Variants in LTBP1 observed in about 807,000 individuals in gnomAD.
LTBP1 encodes the protein latent transforming growth factor beta binding protein 1.
Under a neutral mutation model 207.6 loss-of-function variants are expected in LTBP1, and 129 were observed. That is an observed-to-expected ratio of 0.62 (90% confidence interval 0.54 to 0.72). LTBP1 has a LOEUF of 0.72. Ranked by LOEUF, LTBP1 falls within the 30% of genes least tolerant of loss-of-function variation. The probability of loss-of-function intolerance (pLI) is 0.00; values close to 1 mark genes in which losing one functional copy is unlikely to be tolerated. For missense variants in LTBP1, 2,281 were observed against 2,217.2 expected (o/e 1.03, Z -0.58); for synonymous variants, 963 against 833.7 (o/e 1.16, Z -2.67).
At chr2:33,254,855 T>G (rs1358188344) in intron 11 of LTBP1, among the ~76,000 whole-genome samples, 7 of 92,312 alleles carry the variant, frequency 7.6e-5, no homozygotes, top group African/African-American at 2.2e-4. Context: ...GTGTTTGGTT[T>G]TTTTTTTTTT....
chr2:33,135,807 T>TA (rs568172673), intron 5 of LTBP1, among the ~76,000 whole-genome samples: 45 of 152,374 alleles, frequency 3.0e-4, no homozygotes, highest in African/African-American at 9.4e-4. Context: ...TATTATTTTT[T>TA]GACCAATTAT....
chr2:32,959,499 A>T (rs150024358), intron 2 of LTBP1, among the ~76,000 whole-genome samples: 1 of 149,384 alleles, frequency 6.7e-6, no homozygotes, highest in Non-Finnish European at 1.5e-5. Flanking sequence ...GACAATTCCA[A>T]TGTGGCTTTT....
In LTBP1 at chr2:33,213,005, C is replaced by T. The variant is rs139555198; in HGVS notation, c.1702-4547C>T. Among the ~76,000 whole-genome samples, 1,320 of 152,286 alleles carry T rather than the reference C, an allele frequency of 8.7e-3. 19 individuals carry two copies. Among genetic ancestry groups the T allele is most frequent in the Middle Eastern group, 0.037 (11 of 294 alleles). On this transcript the variant is annotated intron_variant, in intron 7 of 33. Transcript: ENST00000404816. ...CTTGCTCAGGGTATCTGAACACTGC[C>T]ATCATGTCTGCACGTAGTCTCACCG...
chr2:33,215,617 G>C (rs962033451), intron 7 of LTBP1, among the ~76,000 whole-genome samples: 8 of 151,964 alleles, frequency 5.3e-5, no homozygotes, highest in Non-Finnish European at 1.0e-4. Context: ...TCTACTACTT[G>C]CTGTCCTTCT....
intron 15 of LTBP1, among the ~76,000 whole-genome samples, chr2:33,271,651 C>CA (rs768182010): frequency 1.8e-4 from 27 of 151,634 alleles, no homozygotes; most frequent in Non-Finnish European, 2.7e-4. Context: ...TAAAAAGTAC[C>CA]AAAAAAAATG....
intron 3 of LTBP1, among the ~76,000 whole-genome samples, chr2:33,074,981 G>A (rs1326199002): frequency 1.3e-5 from 2 of 152,138 alleles, no homozygotes; most frequent in African/African-American, 2.4e-5. Flanking sequence ...AATCTGGGAG[G>A]CGGAGGTTGC....
rs551628511 is a variant in LTBP1 at position 33,215,987 on chromosome 2, A to G, written c.1702-1565A>G. Among the ~76,000 whole-genome samples, 4 of 152,260 alleles carry G rather than the reference A, an allele frequency of 2.6e-5. No individual in the cohort carries two copies. In the South Asian group the frequency reaches 8.3e-4, roughly 32 times the overall value. The stretch of plus-strand genomic sequence containing the variant: ...CTCGGCCTCCCAAAGTGCTGGGATT[A>G]CAGGTGTGAGCCACCATGCCTGGCC... On this transcript the variant is annotated intron_variant, in intron 7 of 33. Coordinates refer to ENST00000404816, the MANE Select transcript of LTBP1 (RefSeq NM_206943.4).
intron 5 of LTBP1, among the ~76,000 whole-genome samples, chr2:33,177,008 A>C (rs2086130888): frequency 6.6e-6 from 1 of 152,188 alleles, no homozygotes; most frequent in East Asian, 1.9e-4. Context: ...AGCTGGATAC[A>C]ATTATTTTTC....
At chr2:33,384,491 C>A (rs903136125) in intron 31 of LTBP1, among the ~76,000 whole-genome samples, 1 of 152,122 alleles carries the variant, frequency 6.6e-6, no homozygotes, top group African/African-American at 2.4e-5. Flanking sequence ...TGTATGGGGT[C>A]TCAAATGGGA....
chr2:33,241,991 G>GT (rs1249426842), intron 9 of LTBP1, among the ~76,000 whole-genome samples: 49 of 152,322 alleles, frequency 3.2e-4, no homozygotes, highest in African/African-American at 1.2e-3. Context: ...AGCTGTAGCA[G>GT]TTTCCAGCTA....
chr2:33,296,248 G>A (rs1396589463), intron 20 of LTBP1, among the ~76,000 whole-genome samples: 1 of 151,818 alleles, frequency 6.6e-6, no homozygotes, highest in Non-Finnish European at 1.5e-5. Flanking sequence ...TCATCTGCTT[G>A]TTGATAAAAA....
chr2:33,099,355 T>C lies in LTBP1; in HGVS notation c.864-11227T>C, dbSNP rs1305568164. The stretch of plus-strand genomic sequence containing the variant: ...AAGAATTTTCCCTTTTTATTTAGTT[T>C]ATTTTATTTAGCTTGAATGTGGGAA... On this transcript the variant is annotated intron_variant, in intron 3 of 33. Coordinates refer to ENST00000404816, the MANE Select transcript of LTBP1 (RefSeq NM_206943.4). 5.3e-5 allele frequency among the ~76,000 whole-genome samples: 8 copies of C among 152,240 alleles called. No homozygotes were observed. In the East Asian group the frequency reaches 1.2e-3, roughly 22 times the overall value.
chr2:33,330,681 T>C (rs1464504126), intron 24 of LTBP1, among the ~76,000 whole-genome samples: 2 of 151,850 alleles, frequency 1.3e-5, no homozygotes, highest in African/African-American at 2.4e-5. Context: ...AAGATAAAAA[T>C]TTGTTTTCCT....
chr2:33,395,071 T>G (rs1180671548), intron 32 of LTBP1, among the ~76,000 whole-genome samples: 1 of 152,156 alleles, frequency 6.6e-6, no homozygotes. Context: ...TCCCCCAAAC[T>G]TATGCCAAAT....
intron 24 of LTBP1, among the ~76,000 whole-genome samples, chr2:33,320,022 A>G (rs907096603): frequency 3.3e-5 from 5 of 152,150 alleles, no homozygotes; most frequent in Non-Finnish European, 7.3e-5. Flanking sequence ...AGAACAGCAA[A>G]AGATCCCCAC....
intron 32 of LTBP1, among the ~76,000 whole-genome samples, chr2:33,391,660 C>T (rs2095315525): frequency 6.6e-6 from 1 of 152,152 alleles, no homozygotes; most frequent in South Asian, 2.1e-4. Flanking sequence ...AAATGGAGAA[C>T]CAAAATCCCA....
chr2:33,020,979 G>A lies in LTBP1; in HGVS notation c.636G>A (p.Gly212=). 6.2e-7 allele frequency: 1 copy of A among 1,612,724 alleles called. No homozygotes were observed. Among genetic ancestry groups the A allele is most frequent in the Non-Finnish European group, 8.5e-7 (1 of 1,179,014 alleles). ...CACAACTCTGTGTGTGTAAACCAGG[G>A]ACCAAGGGCAAAGCCTGTGAAACAA... is the stretch of plus-strand genomic sequence containing the variant. ...LRPQLCVCKP[G]TKGKACETIA... is the part of the protein sequence containing the mutation. Residue 212 remains glycine, a synonymous_variant, in exon 3 of 34, where the codon GGG becomes GGA. Coordinates refer to ENST00000404816, the MANE Select transcript of LTBP1 (RefSeq NM_206943.4).
chr2:33,310,120 G>A (rs2094161752), intron 23 of LTBP1, among the ~76,000 whole-genome samples: 1 of 151,594 alleles, frequency 6.6e-6, no homozygotes, highest in Non-Finnish European at 1.5e-5. Flanking sequence ...GCAAATTTTT[G>A]TATTTTTACT....
intron 7 of LTBP1, among the ~76,000 whole-genome samples, chr2:33,190,799 C>T (rs954612919): frequency 1.3e-5 from 2 of 152,176 alleles, no homozygotes; most frequent in Admixed American, 1.3e-4. Context: ...GCATCGATCC[C>T]ACAAACACAG....
Sources: allele counts gnomAD v4.1 joint callset (sites outside exome capture counted in the v4.1 genomes callset), GRCh38; gene constraint gnomAD v4.1.1; transcripts MANE v1.5; gene names NCBI Gene and HGNC (gene_info 2026-07-23, HGNC 2026-07-21).